Variants in GDI2 observed in about 807,000 individuals in gnomAD.
GDI2 encodes the protein GDP dissociation inhibitor 2.
Under a neutral mutation model 54.2 loss-of-function variants are expected in GDI2, and 22 were observed. The observed-to-expected ratio is 0.41, with a 90% CI of 0.29 to 0.58. The LOEUF (loss-of-function observed/expected upper bound fraction) is 0.58, where lower values mean the gene tolerates loss of function less well. GDI2 is among the 20% of genes least tolerant of loss of function. GDI2 has a pLI of 0.35. For missense variants in GDI2, 422 were observed against 546.0 expected, an observed-to-expected ratio of 0.77 and a Z score of 2.26; for synonymous variants, 177 against 182.1, an observed-to-expected ratio of 0.97 and a Z score of 0.23.
In GDI2 at chr10:5,765,565, T is replaced by TCATAGGGAAAA. The variant is rs1308221062; in HGVS notation, c.*430_*440dup. The TCATAGGGAAAA allele has an allele frequency of 6.5e-6, 1 of 153,694 alleles. No homozygotes were observed. Among genetic ancestry groups the TCATAGGGAAAA allele is most frequent in the Non-Finnish European group, 1.4e-5 (1 of 69,224 alleles). 9.5% of individuals were successfully genotyped at this position (153,694 alleles called of 1,614,324 possible). On this transcript the variant is annotated 3_prime_UTR_variant, in exon 11 of 11. Coordinates refer to ENST00000380191, the MANE Select transcript of GDI2 (RefSeq NM_001494.4). ...ATTTGACATAATACAAAATATAAAG[T>TCATAGGGAAAA]CATAGGGAAAACTTCCGGATGCTGT...
intron 1 of GDI2, among the ~76,000 whole-genome samples, chr10:5,806,947 A>C (rs1224607492): frequency 6.6e-6 from 1 of 152,144 alleles, no homozygotes; most frequent in Non-Finnish European, 1.5e-5. Flanking sequence ...GCCGTAAAGC[A>C]AGCACTGAGG....
intron 1 of GDI2, among the ~76,000 whole-genome samples, chr10:5,811,431 G>A (rs1380956447): frequency 6.6e-6 from 1 of 152,172 alleles, no homozygotes; most frequent in African/African-American, 2.4e-5. Flanking sequence ...TTGATACAAA[G>A]TGATGTGAAC....
Position 5,765,943 on chromosome 10 carries a change from C to A in GDI2, c.*63G>T. 1 of 1,205,300 alleles carries A rather than the reference C, an allele frequency of 8.3e-7. No homozygotes were observed. The highest frequency in any genetic ancestry group is 1.5e-5 in the South Asian group (1 of 67,126). 74.7% of individuals were successfully genotyped at this position (1,205,300 alleles called of 1,614,324 possible). A position where few individuals can be genotyped will look rare whatever the true frequency, so the allele number is the denominator to read the frequency against. ...AAAGCAGGCCTTACAATATTGATTT[C>A]ATTATATGCATTATTTGCCAAATTT... On this transcript the variant is annotated 3_prime_UTR_variant, in exon 11 of 11. Transcript: ENST00000380191.
chr10:5,774,061 A>G lies in GDI2; in HGVS notation c.720-120T>C. 1 of 557,948 alleles carries G rather than the reference A, an allele frequency of 1.8e-6. No homozygotes were observed. Among genetic ancestry groups the G allele is most frequent in the Non-Finnish European group, 3.1e-6 (1 of 321,610 alleles). 34.6% of individuals were successfully genotyped at this position (557,948 alleles called of 1,614,324 possible). A position where few individuals can be genotyped will look rare whatever the true frequency, so the allele number is the denominator to read the frequency against. Reference sequence around the variant, plus strand: ...ATTTGTTCAATTTCCTTCTAGAAAGATGTCAGCTTAGAAGTGATTAAAGCA... The same window carrying G: ...ATTTGTTCAATTTCCTTCTAGAAAGGTGTCAGCTTAGAAGTGATTAAAGCA... On this transcript the variant is annotated intron_variant, in intron 6 of 10. Transcript: ENST00000380191. The surrounding 1 kb of genome is among the most constrained non-coding windows in gnomAD (Gnocchi z 4.8).
Position 5,765,930 on chromosome 10 carries a change from A to T in GDI2, c.*76T>A. ...CATTTTCATTACAAAAGCAGGCCTT[A>T]CAATATTGATTTCATTATATGCATT... On this transcript the variant is annotated 3_prime_UTR_variant, in exon 11 of 11. Transcript: ENST00000380191. 9.5e-7 allele frequency: 1 copy of T among 1,054,508 alleles called. No individual in the cohort carries two copies. Among genetic ancestry groups the T allele is most frequent in the Non-Finnish European group, 1.4e-6 (1 of 723,098 alleles). The allele number at this position is 1,054,508 out of a possible 1,614,324, so 65.3% of individuals were successfully genotyped here.
intron 1 of GDI2, among the ~76,000 whole-genome samples, chr10:5,811,305 G>A (rs1268477076): frequency 6.6e-6 from 1 of 152,088 alleles, no homozygotes; most frequent in Non-Finnish European, 1.5e-5. Context: ...AGCAGAAACA[G>A]GTCTGATTTC....
chr10:5,766,433 A>T lies in GDI2; in HGVS notation c.1136+61T>A. ...GCCTTGCCCTCACATTCGTCCCACC[A>T]TGGAGCCACAATCAAAGGCCTCAGT... On this transcript the variant is annotated intron_variant, in intron 9 of 10. Coordinates refer to ENST00000380191, the MANE Select transcript of GDI2 (RefSeq NM_001494.4). This position sits in a 1 kb window ranked among gnomAD's most constrained non-coding sequence, Gnocchi z 5.8. The T allele has an allele frequency of 1.3e-6, 2 of 1,588,754 alleles. No homozygotes were observed. The highest frequency in any genetic ancestry group is 8.6e-7 in the Non-Finnish European group (1 of 1,157,896).
At chr10:5,767,028 C>A (rs1840355837) in intron 8 of GDI2, among the ~76,000 whole-genome samples, 1 of 152,202 alleles carries the variant, frequency 6.6e-6, no homozygotes, top group African/African-American at 2.4e-5. Flanking sequence ...CTGACGTCCT[C>A]ATTTACTTAT....
intron 4 of GDI2, among the ~76,000 whole-genome samples, chr10:5,789,457 T>A (rs138857228): frequency 6.6e-6 from 1 of 152,126 alleles, no homozygotes; most frequent in African/African-American, 2.4e-5. Context: ...TCGTCCAGGC[T>A]AGAGGTGCAG....
chr10:5,784,864 T>C (rs1840838202), intron 6 of GDI2, among the ~76,000 whole-genome samples: 2 of 152,236 alleles, frequency 1.3e-5, no homozygotes, highest in Non-Finnish European at 2.9e-5. Flanking sequence ...TGAAGGTCCT[T>C]GGTTGTATTT....
intron 1 of GDI2, among the ~76,000 whole-genome samples, chr10:5,808,199 CT>C (rs1444598291): frequency 6.6e-6 from 1 of 152,028 alleles, no homozygotes; most frequent in Non-Finnish European, 1.5e-5. Flanking sequence ...TACATGCCTC[CT>C]GTAGTTCCAG....
Position 5,774,635 on chromosome 10 carries a change from T to C in GDI2, c.720-694A>G, listed in dbSNP as rs1050901808. 6.6e-6 allele frequency among the ~76,000 whole-genome samples: 1 copy of C among 152,040 alleles called. No homozygotes were observed. The highest frequency in any genetic ancestry group is 2.4e-5 in the African/African-American group (1 of 41,384). The stretch of plus-strand genomic sequence containing the variant: ...CACCCTGATGGATGGCTCTTCGGGG[T>C]CCACACTGAGCAGACCTGAGACACT... On this transcript the variant is annotated intron_variant, in intron 6 of 10. Coordinates refer to ENST00000380191, the MANE Select transcript of GDI2 (RefSeq NM_001494.4). This position sits in a 1 kb window ranked among gnomAD's most constrained non-coding sequence, Gnocchi z 4.8.
At chr10:5,770,097 C>T (rs1315086000) in intron 7 of GDI2, among the ~76,000 whole-genome samples, 1 of 152,188 alleles carries the variant, frequency 6.6e-6, no homozygotes, top group African/African-American at 2.4e-5. Context: ...GAACCATGGA[C>T]ATCATGCTAA....
chr10:5,775,909 G>T (rs3924378), intron 6 of GDI2, among the ~76,000 whole-genome samples: 9,846 of 152,156 alleles, frequency 0.065, 835 homozygotes, highest in East Asian at 0.42. Flanking sequence ...AAGTGGTGAG[G>T]TTGTTGCTCC....
chr10:5,773,037 A>G (rs1840531246), intron 7 of GDI2, among the ~76,000 whole-genome samples: 1 of 152,160 alleles, frequency 6.6e-6, no homozygotes, highest in South Asian at 2.1e-4. Context: ...AATTATTATC[A>G]GGCGTTTTTT....
At chr10:5,805,773 C>T (rs1191078555) in intron 1 of GDI2, among the ~76,000 whole-genome samples, 2 of 152,174 alleles carry the variant, frequency 1.3e-5, no homozygotes, top group Non-Finnish European at 2.9e-5. Context: ...ATAAGAATAA[C>T]CTGGAGATCC....
chr10:5,782,327 T>C (rs1564392035), intron 6 of GDI2, among the ~76,000 whole-genome samples: 1 of 152,202 alleles, frequency 6.6e-6, no homozygotes, highest in African/African-American at 2.4e-5. Context: ...TACTAAATGT[T>C]GACAAGGATG....
Position 5,776,507 on chromosome 10 carries a change from A to C in GDI2, c.720-2566T>G. 7.4e-7 allele frequency: 1 copy of C among 1,359,554 alleles called. No homozygotes were observed. Among genetic ancestry groups the C allele is most frequent in the South Asian group, 1.2e-5 (1 of 85,216 alleles). The allele number at this position is 1,359,554 out of a possible 1,614,324, so 84.2% of individuals were successfully genotyped here. ...CATGTATTAGAAGCAAAGGCCCGAA[A>C]GATAAAACAATTATAGAGAAGCAGA... On this transcript the variant is annotated intron_variant, in intron 6 of 10. Coordinates refer to ENST00000380191, the MANE Select transcript of GDI2 (RefSeq NM_001494.4). The surrounding 1 kb of genome is among the most constrained non-coding windows in gnomAD (Gnocchi z 5.3).
chr10:5,766,401 GCTAC>G lies in GDI2; in HGVS notation c.1136+89_1136+92del. 1 of 1,516,118 alleles carries G rather than the reference GCTAC, an allele frequency of 6.6e-7. No homozygotes were observed. The highest frequency in any genetic ancestry group is 2.3e-5 in the East Asian group (1 of 44,394). 93.9% of individuals were successfully genotyped at this position (1,516,118 alleles called of 1,614,324 possible). A position where few individuals can be genotyped will look rare whatever the true frequency, so the allele number is the denominator to read the frequency against. On this transcript the variant is annotated intron_variant, in intron 9 of 10. Transcript: ENST00000380191. This position sits in a 1 kb window ranked among gnomAD's most constrained non-coding sequence, Gnocchi z 5.8. ...GATGAATCCCACAGAGCAGCCAGCA[GCTAC>G]CTGCCTTGCCCTCACATTCGTCCCA...
Sources: gnomAD v4.1 joint callset for allele counts (sites outside exome capture counted in the v4.1 genomes callset) on GRCh38, gnomAD v4.1.1 for gene constraint, Gnocchi (gnomAD v3.1) non-coding constraint, MANE v1.5 for transcripts, NCBI Gene and HGNC (gene_info 2026-07-23, HGNC 2026-07-21) for gene names.